The following CFAP70 variants were observed in gnomAD, a reference collection of about 807,000 sequenced individuals.
The protein encoded by CFAP70 is cilia and flagella associated protein 70, also known as cilia- and flagella-associated protein 70.
CFAP70 carries 81 observed loss-of-function variants against 137.6 expected under a neutral mutation model. That is an observed-to-expected ratio of 0.59 (90% confidence interval 0.49 to 0.71). The LOEUF is 0.71. CFAP70 is among the 30% of genes least tolerant of loss of function. The pLI is 0.00. For missense variants in CFAP70, 976 were observed against 1,226.7 expected (o/e 0.80, Z 3.05); for synonymous variants, 382 against 423.6 (o/e 0.90, Z 1.20).
intron 19 of CFAP70, among the ~76,000 whole-genome samples, chr10:73,281,196 T>G (rs1461165053): frequency 6.6e-6 from 1 of 151,982 alleles, no homozygotes; most frequent in African/African-American, 2.4e-5. Flanking sequence ...CTGTATGTAT[T>G]TATTTATTGA....
At chr10:73,304,834 C>A (rs1277188816) in intron 12 of CFAP70, among the ~76,000 whole-genome samples, 1 of 150,426 alleles carries the variant, frequency 6.6e-6, no homozygotes, top group Non-Finnish European at 1.5e-5. Context: ...ACTCCCATCC[C>A]TCCAGATAAA....
intron 25 of CFAP70, among the ~76,000 whole-genome samples, chr10:73,267,627 G>T (rs1033452589): frequency 4.6e-5 from 7 of 152,074 alleles, no homozygotes; most frequent in African/African-American, 1.7e-4. Flanking sequence ...CTACTATAAG[G>T]CCTAATTTTC....
At chr10:73,316,381 CTGT>C (rs1450319655) in intron 9 of CFAP70, among the ~76,000 whole-genome samples, 1 of 148,166 alleles carries the variant, frequency 6.7e-6, no homozygotes, top group Non-Finnish European at 1.5e-5. Context: ...TATATATCAT[CTGT>C]TTTTTGTTGT....
At chr10:73,309,705 G>A (rs185385141) in intron 12 of CFAP70, among the ~76,000 whole-genome samples, 27 of 148,002 alleles carry the variant, frequency 1.8e-4, no homozygotes, top group African/African-American at 5.3e-4. Context: ...CTCTCAGGCC[G>A]GAGTGCAGTG....
chr10:73,286,255 G>A (rs767896716), intron 19 of CFAP70, among the ~76,000 whole-genome samples: 6 of 151,834 alleles, frequency 4.0e-5, no homozygotes, highest in Admixed American at 2.0e-4. Flanking sequence ...CCAGCCTGGC[G>A]AACATGGTGA....
intron 23 of CFAP70, among the ~76,000 whole-genome samples, chr10:73,273,708 G>A (rs1359524424): frequency 6.6e-6 from 1 of 152,194 alleles, no homozygotes; most frequent in Non-Finnish European, 1.5e-5. Flanking sequence ...GCCTATGTGA[G>A]CTTTCCACTT....
intron 12 of CFAP70, among the ~76,000 whole-genome samples, chr10:73,300,112 A>C (rs2048840427): frequency 6.6e-6 from 1 of 152,198 alleles, no homozygotes; most frequent in Admixed American, 6.5e-5. Flanking sequence ...CGTCTACAAT[A>C]AAAGTGTACT....
At chr10:73,339,860 G>C (rs547963760) in intron 6 of CFAP70, among the ~76,000 whole-genome samples, 1 of 152,200 alleles carries the variant, frequency 6.6e-6, no homozygotes, top group Non-Finnish European at 1.5e-5. Context: ...TGGGCTTCCC[G>C]AAGCACCATA....
Position 73,355,031 on chromosome 10 carries a change from G to A in CFAP70, c.-39-196C>T, listed in dbSNP as rs565381452. Among the ~76,000 whole-genome samples, 42 of 152,284 alleles carry A rather than the reference G, an allele frequency of 2.8e-4. 1 individual carries two copies. The South Asian group carries it at 7.9e-3, about 29-fold the overall frequency. ...TCACAAGGATGATTTCACTGGTAGC[G>A]CTAAAGATGTTTATACAGGTAACTA... is the stretch of plus-strand genomic sequence containing the variant. On this transcript the variant is annotated intron_variant, in intron 1 of 26. Coordinates refer to ENST00000310715, the Ensembl canonical transcript of CFAP70.
At chr10:73,278,363 A>C (rs759026443) in intron 19 of CFAP70, 26 bp from the exon 21 acceptor site, 2 of 1,589,320 alleles carry the variant, frequency 1.3e-6, no homozygotes, top group East Asian at 4.5e-5. Flanking sequence ...TTTAATGAAA[A>C]ATAAAACTTC....
chr10:73,300,379 T>G (rs969542679), intron 12 of CFAP70, among the ~76,000 whole-genome samples: 15 of 152,178 alleles, frequency 9.9e-5, no homozygotes, highest in Non-Finnish European at 1.9e-4. Flanking sequence ...TTTTTCTTAC[T>G]AGATCCTATG....
upstream of CFAP70, among the ~76,000 whole-genome samples, chr10:73,362,559 G>C (rs973324958): frequency 2.0e-5 from 3 of 152,018 alleles, no homozygotes; most frequent in African/African-American, 7.3e-5. Flanking sequence ...TGGGATTGCT[G>C]TTTTCTTTTT....
At chr10:73,277,194 T>A (rs200813898) in intron 21 of CFAP70, 46 bp downstream of exon 22, 52 of 1,580,188 alleles carry the variant, frequency 3.3e-5, no homozygotes, top group Non-Finnish European at 4.5e-5. Flanking sequence ...AATAAAGAGT[T>A]TGCTAAAATC....
chr10:73,344,039 T>G (rs974687003), intron 5 of CFAP70, among the ~76,000 whole-genome samples: 3 of 152,052 alleles, frequency 2.0e-5, no homozygotes, highest in Non-Finnish European at 4.4e-5. Flanking sequence ...CTTGGCTCAC[T>G]GCAACCTCTG....
At chr10:73,262,380 G>A (rs1290137571) in intron 25 of CFAP70, among the ~76,000 whole-genome samples, 1 of 151,988 alleles carries the variant, frequency 6.6e-6, no homozygotes, top group East Asian at 1.9e-4. Flanking sequence ...CAGCTGTCAT[G>A]GTCTCACAGT....
Position 73,299,597 on chromosome 10 carries a change from G to A in CFAP70, c.1317+8C>T, listed in dbSNP as rs748588798. ...TACTTATCATTTCAACTTGGCTTTG[G>A]CACTTGCCTTCTGAGCTCCTCCTGT... On this transcript the variant is annotated splice_region_variant and intron_variant, in intron 13 of 26. Coordinates refer to ENST00000310715, the Ensembl canonical transcript of CFAP70. 13 of 1,612,018 alleles carry A rather than the reference G, an allele frequency of 8.1e-6. No homozygotes were observed. Among genetic ancestry groups the A allele is most frequent in the Middle Eastern group, 1.6e-4 (1 of 6,078 alleles).
chr10:73,330,791 A>G (rs1364598160), intron 8 of CFAP70, among the ~76,000 whole-genome samples: 1 of 152,194 alleles, frequency 6.6e-6, no homozygotes, highest in East Asian at 1.9e-4. Flanking sequence ...TATACCTTTT[A>G]AAAACAGTAG....
intron 8 of CFAP70, among the ~76,000 whole-genome samples, chr10:73,324,366 TA>T: frequency 6.6e-6 from 1 of 152,016 alleles, no homozygotes; most frequent in African/African-American, 2.4e-5. Flanking sequence ...CAAAAGTAGA[TA>T]AAACCACAAA....
intron 9 of CFAP70, among the ~76,000 whole-genome samples, chr10:73,321,343 G>A (rs964184161): frequency 5.3e-5 from 8 of 152,054 alleles, no homozygotes; most frequent in South Asian, 2.1e-4. Flanking sequence ...GCTTGAACCC[G>A]GGAGAAAGAG....
Sources: allele counts gnomAD v4.1 joint callset (sites outside exome capture counted in the v4.1 genomes callset), GRCh38; gene constraint gnomAD v4.1.1; transcripts MANE v1.5; gene names NCBI Gene and HGNC (gene_info 2026-07-23, HGNC 2026-07-21).